Variants in BIN3 observed in about 807,000 individuals in gnomAD.
BIN3 encodes the protein bridging integrator 3.
BIN3 carries 41 observed loss-of-function variants against 38.2 expected under a neutral mutation model. That is an observed-to-expected ratio of 1.07 (90% confidence interval 0.84 to 1.39). The LOEUF is 1.39. BIN3 is among the 40% of genes most tolerant of loss of function. The pLI is 0.00. For synonymous variants in BIN3, 145 were observed against 122.6 expected, an observed-to-expected ratio of 1.18 and a Z score of -1.21; for missense variants, 361 against 324.3, an observed-to-expected ratio of 1.11 and a Z score of -0.87.
intron 1 of BIN3, among the ~76,000 whole-genome samples, chr8:22,663,951 A>G (rs2117604200): frequency 6.6e-6 from 1 of 152,266 alleles, no homozygotes; most frequent in East Asian, 1.9e-4. Flanking sequence ...CTTTCCATAC[A>G]CCGGCTGAAG....
rs2170511 is a variant in BIN3, at chr8:22,642,995, C to G, written c.57+1760G>C. On this transcript the variant is annotated intron_variant, in intron 2 of 8. Transcript: ENST00000276416. ...GGAGCCAGAGATCTTGCCACCAACA[C>G]ACTGGCAAAGCAGCTGGTTTGTCTA... 5.5e-3 allele frequency among the ~76,000 whole-genome samples: 839 copies of G among 152,356 alleles called. 8 individuals carry two copies. The highest frequency in any genetic ancestry group is 0.019 in the African/African-American group (809 of 41,582).
intron 1 of BIN3, among the ~76,000 whole-genome samples, chr8:22,664,183 C>A (rs111993226): frequency 6.6e-6 from 1 of 152,168 alleles, no homozygotes; most frequent in Non-Finnish European, 1.5e-5. Context: ...AAGCTTACTC[C>A]GACAGATTTC....
chr8:22,666,533 G>C (rs1803425760), intron 1 of BIN3, among the ~76,000 whole-genome samples: 1 of 152,138 alleles, frequency 6.6e-6, no homozygotes, highest in Non-Finnish European at 1.5e-5. Context: ...AGACCACCGG[G>C]TCACTTTTCT....
intron 1 of BIN3, among the ~76,000 whole-genome samples, chr8:22,656,266 C>A (rs527490751): frequency 8.5e-6 from 1 of 117,240 alleles, no homozygotes. Flanking sequence ...ACATTTATTT[C>A]GTTAAATATT....
chr8:22,661,069 T>C (rs1283531492), intron 1 of BIN3, among the ~76,000 whole-genome samples: 1 of 152,046 alleles, frequency 6.6e-6, no homozygotes, highest in Non-Finnish European at 1.5e-5. Flanking sequence ...TTTCTTTTTG[T>C]AGAGACAGTC....
At chr8:22,629,761 C>T in intron 6 of BIN3, 2 of 607,718 alleles carry the variant, frequency 3.3e-6, no homozygotes, top group Non-Finnish European at 5.8e-6. Flanking sequence ...CCTGAGCTCG[C>T]CTGGGCCATG....
At position 22,630,543 on chromosome 8, in the gene BIN3, A is replaced by G. The variant is rs773712734; in HGVS notation, c.196T>C (p.Leu66=). The change falls in exon 5 of 9, where the codon TTA becomes CTA. Residue 66 remains leucine, a synonymous_variant. Transcript: ENST00000276416. ...SKSAVKISLD[L]LSNPLCEQDQ... ...TGCTCACAGAGGGGATTGGAGAGTAAGTCCAAGGATATCTTCACGGCAGAT... is the reference window on the plus strand; with the variant it reads ...TGCTCACAGAGGGGATTGGAGAGTAGGTCCAAGGATATCTTCACGGCAGAT... 1 of 1,614,010 alleles carries G rather than the reference A, an allele frequency of 6.2e-7. No individual in the cohort carries two copies. Among genetic ancestry groups the G allele is most frequent in the South Asian group, 1.1e-5 (1 of 91,090 alleles).
intron 6 of BIN3, among the ~76,000 whole-genome samples, chr8:22,627,683 A>G (rs1802045502): frequency 6.6e-6 from 1 of 152,100 alleles, no homozygotes; most frequent in Non-Finnish European, 1.5e-5. Flanking sequence ...ACCTCAGCCC[A>G]CCAAAACCTC....
At chr8:22,624,112 G>C in intron 7 of BIN3, 63 bp from the exon 8 acceptor site, 1 of 1,593,202 alleles carries the variant, frequency 6.3e-7, no homozygotes. Flanking sequence ...CGGGATGGGT[G>C]GGGTGGGGAC....
intron 1 of BIN3, among the ~76,000 whole-genome samples, chr8:22,660,159 G>C (rs760341716): frequency 6.6e-6 from 1 of 152,234 alleles, no homozygotes; most frequent in Non-Finnish European, 1.5e-5. Context: ...GAGCACCTAA[G>C]AGAGGAAGGC....
Position 22,624,184 on chromosome 8 carries a change from C to T in BIN3, c.480+38G>A, listed in dbSNP as rs541678228. ...CTTACCACAGGTGACCACGATGGCC[C>T]ACCTGTCTAGCCCCTGCCCACCTGT... On this transcript the variant is annotated intron_variant, in intron 7 of 8. Transcript: ENST00000276416. 5.0e-6 allele frequency: 8 copies of T among 1,601,556 alleles called. No individual in the cohort carries two copies. In the East Asian group the frequency reaches 1.6e-4, roughly 31 times the overall value.
At chr8:22,636,457 T>C in intron 4 of BIN3, 68 bp downstream of exon 4, 1 of 1,491,634 alleles carries the variant, frequency 6.7e-7, no homozygotes, top group Non-Finnish European at 9.1e-7. Context: ...CTTGGGGGGC[T>C]GAGAGAGGAG....
chr8:22,651,920 T>A (rs1238078848), intron 1 of BIN3, among the ~76,000 whole-genome samples: 1 of 152,148 alleles, frequency 6.6e-6, no homozygotes, highest in African/African-American at 2.4e-5. Context: ...ACAATTTCGA[T>A]GCTGACCCTC....
intron 1 of BIN3, among the ~76,000 whole-genome samples, chr8:22,665,153 G>C (rs1373693518): frequency 6.6e-6 from 1 of 152,286 alleles, no homozygotes; most frequent in South Asian, 2.1e-4. Flanking sequence ...TTGGAGTGGA[G>C]GATCAGAAGG....
intron 2 of BIN3, among the ~76,000 whole-genome samples, chr8:22,640,725 C>T (rs942891323): frequency 2.0e-5 from 3 of 152,010 alleles, no homozygotes; most frequent in African/African-American, 7.3e-5. Flanking sequence ...CCAAGTGTGC[C>T]GATGTGTGTG....
chr8:22,636,466 A>G, intron 4 of BIN3, 59 bp downstream of exon 4: 1 of 1,499,796 alleles, frequency 6.7e-7, no homozygotes, highest in South Asian at 1.2e-5. Context: ...CTGAGAGAGG[A>G]GGGTGCCCAC....
In BIN3 at chr8:22,626,747, G is replaced by A. The variant is rs142778893; in HGVS notation, c.339-2384C>T. 5.2e-3 allele frequency among the ~76,000 whole-genome samples: 785 copies of A among 152,300 alleles called. 9 individuals carry two copies. The highest frequency in any genetic ancestry group is 0.018 in the African/African-American group (754 of 41,556). ...CATCACAGCGTGAAGCCGTGTGTGC[G>A]CAAGGTGGCTTCCACGGTGCAGGAT... On this transcript the variant is annotated intron_variant, in intron 6 of 8. Coordinates refer to ENST00000276416, the MANE Select transcript of BIN3 (RefSeq NM_018688.6).
At chr8:22,668,126 A>G (rs886339732) in intron 1 of BIN3, among the ~76,000 whole-genome samples, 1 of 152,138 alleles carries the variant, frequency 6.6e-6, no homozygotes, top group South Asian at 2.1e-4. Flanking sequence ...GGTTGTGGCT[A>G]TATAGGTCCT....
intron 1 of BIN3, 108 bp from the exon 2 acceptor site, chr8:22,644,911 G>A (rs1056803932): frequency 1.4e-5 from 14 of 968,784 alleles, no homozygotes; most frequent in Admixed American, 6.2e-5. Context: ...GAGGAAGCGT[G>A]GCCATGGCTT....
Sources: gnomAD v4.1 joint callset for allele counts (sites outside exome capture counted in the v4.1 genomes callset) on GRCh38, gnomAD v4.1.1 for gene constraint, MANE v1.5 for transcripts, NCBI Gene and HGNC (gene_info 2026-07-23, HGNC 2026-07-21) for gene names.